TNRC6A: variants seen among roughly 807,000 people sequenced by gnomAD.
The protein encoded by TNRC6A is trinucleotide repeat-containing gene 6A protein.
A neutral mutation model predicts 221.2 loss-of-function variants in TNRC6A; 44 were observed. The observed-to-expected ratio is 0.20, with a 90% CI of 0.16 to 0.26. TNRC6A has a LOEUF of 0.26. TNRC6A is among the 10% of genes least tolerant of loss of function. The probability of loss-of-function intolerance (pLI) is 1.00; values close to 1 mark genes in which losing one functional copy is unlikely to be tolerated. For missense variants in TNRC6A, 2,199 were observed against 2,404.4 expected (o/e 0.91, Z 1.79); for synonymous variants, 847 against 838.5 (o/e 1.01, Z -0.18).
intron 2 of TNRC6A, among the ~76,000 whole-genome samples, chr16:24,723,803 T>C (rs2056451124): frequency 1.3e-5 from 2 of 152,238 alleles, no homozygotes; most frequent in South Asian, 4.1e-4. Flanking sequence ...CAACTGTTTC[T>C]ATTTGTTCAG....
chr16:24,786,163 G>A (rs1342899526), intron 5 of TNRC6A, among the ~76,000 whole-genome samples: 7 of 152,062 alleles, frequency 4.6e-5, no homozygotes, highest in Admixed American at 4.6e-4. Flanking sequence ...GAGACATGGT[G>A]GAATGAAAAA....
At chr16:24,717,475 T>C (rs1231191992) in intron 2 of TNRC6A, among the ~76,000 whole-genome samples, 2 of 152,148 alleles carry the variant, frequency 1.3e-5, no homozygotes, top group Non-Finnish European at 2.9e-5. Context: ...TAGCAATGAA[T>C]ATCCAAAGGA....
upstream of TNRC6A, among the ~76,000 whole-genome samples, chr16:24,729,301 ATTTTT>A (rs60592267): frequency 4.2e-5 from 4 of 94,616 alleles, no homozygotes; most frequent in African/African-American, 1.7e-4. Context: ...GTTTTAGGCA[ATTTTT>A]TTTTTTTTTT....
At position 24,729,745 on chromosome 16, in the gene TNRC6A, G is replaced by T; in HGVS notation, c.-97G>T. ...GCGGGTCGGTGTAGAAAATGGCGCT[G>T]GTGCAGCGGCTCGGGCCTCTCCCCG... On this transcript the variant is annotated 5_prime_UTR_variant, in exon 1 of 25. Transcript: ENST00000395799. 7.7e-7 allele frequency: 1 copy of T among 1,293,704 alleles called. No homozygotes were observed. Among genetic ancestry groups the T allele is most frequent in the East Asian group, 3.2e-5 (1 of 31,698 alleles). 80.1% of individuals were successfully genotyped at this position (1,293,704 alleles called of 1,614,324 possible). A position where few individuals can be genotyped will look rare whatever the true frequency, so the allele number is the denominator to read the frequency against.
intron 1 of TNRC6A, among the ~76,000 whole-genome samples, chr16:24,622,660 C>G (rs750727296): frequency 5.9e-5 from 9 of 152,144 alleles, no homozygotes; most frequent in Admixed American, 1.3e-4. Context: ...GCAAGCCATG[C>G]TGTTTTCAAC....
intron 2 of TNRC6A, among the ~76,000 whole-genome samples, chr16:24,750,401 C>G (rs772673973): frequency 1.2e-4 from 18 of 152,038 alleles, no homozygotes; most frequent in Non-Finnish European, 2.5e-4. Flanking sequence ...CAAGGTAACT[C>G]CAGCTTAAAT....
At chr16:24,657,792 G>C (rs923810199) in intron 2 of TNRC6A, among the ~76,000 whole-genome samples, 1 of 150,318 alleles carries the variant, frequency 6.7e-6, no homozygotes, top group African/African-American at 2.4e-5. Flanking sequence ...AGAATATTTT[G>C]TCAATTCTAT....
At chr16:24,798,059 A>G in intron 11 of TNRC6A, 93 bp downstream of exon 11, 1 of 1,114,434 alleles carries the variant, frequency 9.0e-7, no homozygotes, top group Non-Finnish European at 1.3e-6. Flanking sequence ...GTAGATCAGG[A>G]CAGGGGAGGC....
chr16:24,791,296 C>G lies in TNRC6A; in HGVS notation c.2654C>G (p.Ser885Cys), dbSNP rs777575507. The G allele has an allele frequency of 1.2e-6, 2 of 1,612,450 alleles. No homozygotes were observed. The highest frequency in any genetic ancestry group is 1.7e-6 in the Non-Finnish European group (2 of 1,179,094). ...SGGSDSDRSV[S>C]GWNELGKTSS... ...GGTAGTGACAGTGACAGGTCCGTTT[C>G]CGGTTGGAACGAACTTGGTAAAACT... Residue 885 changes from serine to cysteine, a missense_variant, in exon 6 of 25, where the codon TCC becomes TGC. Transcript: ENST00000395799.
At position 24,791,456 on chromosome 16, in the gene TNRC6A, A is replaced by C; in HGVS notation, c.2814A>C (p.Ser938=). The change falls in exon 6 of 25, where the codon TCA becomes TCC. Residue 938 remains serine (S), a synonymous_variant. Transcript: ENST00000395799. ...SNQSLGWGDS[S]KPVSSPDWNK... ...AGTCTCTAGGTTGGGGAGATTCGTC[A>C]AAGCCAGTCAGCTCTCCAGACTGGA... 6.5e-7 allele frequency: 1 copy of C among 1,531,740 alleles called. No homozygotes were observed. The highest frequency in any genetic ancestry group is 2.3e-5 in the East Asian group (1 of 44,324). 94.9% of individuals were successfully genotyped at this position (1,531,740 alleles called of 1,614,324 possible).
chr16:24,772,203 A>G (rs2057626144), intron 4 of TNRC6A, among the ~76,000 whole-genome samples: 1 of 152,102 alleles, frequency 6.6e-6, no homozygotes, highest in Non-Finnish European at 1.5e-5. Flanking sequence ...TTTCATTCCC[A>G]GTGCTATTTA....
chr16:24,701,325 G>C (rs1385076354), intron 2 of TNRC6A, among the ~76,000 whole-genome samples: 2 of 151,608 alleles, frequency 1.3e-5, no homozygotes, highest in East Asian at 3.9e-4. Context: ...AAGCCTCTCT[G>C]AGTCTGAGTT....
chr16:24,690,457 T>C (rs1009760690), intron 2 of TNRC6A, among the ~76,000 whole-genome samples: 10 of 152,204 alleles, frequency 6.6e-5, no homozygotes, highest in Admixed American at 3.3e-4. Context: ...CTGTATTCTA[T>C]GGCAAACCAG....
chr16:24,779,488 T>C (rs549825098), intron 5 of TNRC6A, among the ~76,000 whole-genome samples: 2 of 152,340 alleles, frequency 1.3e-5, no homozygotes, highest in African/African-American at 4.8e-5. Flanking sequence ...GCTTGCAAAA[T>C]AGACCAGGAG....
intron 2 of TNRC6A, among the ~76,000 whole-genome samples, chr16:24,648,323 G>A (rs1460373109): frequency 3.9e-5 from 5 of 128,808 alleles, no homozygotes; most frequent in African/African-American, 9.5e-5. Flanking sequence ...CCAGGCTGGA[G>A]TGCAGTGGCA....
chr16:24,752,232 G>A (rs1275760977), intron 3 of TNRC6A, among the ~76,000 whole-genome samples: 1 of 152,196 alleles, frequency 6.6e-6, no homozygotes, highest in Non-Finnish European at 1.5e-5. Context: ...TTTGTTTAAA[G>A]GATATAGAGG....
intron 2 of TNRC6A, among the ~76,000 whole-genome samples, chr16:24,644,724 A>G (rs1902185704): frequency 6.6e-6 from 1 of 152,134 alleles, no homozygotes; most frequent in South Asian, 2.1e-4. Context: ...AACTGCTGGG[A>G]TTACAGGCAT....
At chr16:24,684,741 G>A (rs768083044) in intron 2 of TNRC6A, among the ~76,000 whole-genome samples, 4 of 151,516 alleles carry the variant, frequency 2.6e-5, no homozygotes, top group Non-Finnish European at 5.9e-5. Flanking sequence ...AAGAGTTCGA[G>A]GTTACCGTGA....
intron 2 of TNRC6A, among the ~76,000 whole-genome samples, chr16:24,717,330 T>C (rs556767916): frequency 1.3e-5 from 2 of 152,332 alleles, no homozygotes; most frequent in African/African-American, 2.4e-5. Flanking sequence ...ATGCTTAATG[T>C]AGCATTTCTC....
Sources: allele counts gnomAD v4.1 joint callset (sites outside exome capture counted in the v4.1 genomes callset), GRCh38; gene constraint gnomAD v4.1.1; transcripts MANE v1.5; gene names NCBI Gene and HGNC (gene_info 2026-07-23, HGNC 2026-07-21).